Variants in PATL2 observed in about 807,000 individuals in gnomAD.
PATL2 encodes protein PAT1 homolog 2.
PATL2 carries 73 observed loss-of-function variants against 77.0 expected under a neutral mutation model. The ratio of observed to expected loss-of-function variants is 0.95; its 90% CI spans 0.78 to 1.15. The LOEUF (loss-of-function observed/expected upper bound fraction) is 1.15, where lower values mean the gene tolerates loss of function less well. Among genes scored for constraint, PATL2 ranks in the 50% most tolerant of loss-of-function variants. The pLI, the probability that PATL2 is intolerant of heterozygous loss-of-function variation, is 0.00. For missense variants in PATL2, 618 were observed against 655.4 expected, an observed-to-expected ratio of 0.94 and a Z score of 0.62; for synonymous variants, 265 against 257.1, an observed-to-expected ratio of 1.03 and a Z score of -0.29.
intron 3 of PATL2, among the ~76,000 whole-genome samples, chr15:44,705,001 G>A (rs2086703258): frequency 6.6e-6 from 1 of 152,066 alleles, no homozygotes. Context: ...TTGACCTTGG[G>A]AGTTTGTTTA....
At chr15:44,669,683 T>C (rs893285796) in intron 11 of PATL2, 94 bp downstream of exon 11, 3 of 1,508,392 alleles carry the variant, frequency 2.0e-6, no homozygotes, top group Admixed American at 2.0e-5. Context: ...TCACACTTCT[T>C]CCTCCTTCTT....
intron 3 of PATL2, among the ~76,000 whole-genome samples, chr15:44,690,793 T>A (rs1014352481): frequency 6.6e-6 from 1 of 152,170 alleles, no homozygotes; most frequent in African/African-American, 2.4e-5. Context: ...TCACAACTGC[T>A]TGTTATCATA....
intron 3 of PATL2, among the ~76,000 whole-genome samples, chr15:44,682,651 G>T (rs2086159676): frequency 5.9e-5 from 9 of 152,062 alleles, no homozygotes; most frequent in Admixed American, 3.3e-4. Context: ...AAACAAACCA[G>T]AATATCTAAG....
chr15:44,667,703 G>A (rs1299239654), intron 15 of PATL2, among the ~76,000 whole-genome samples: 1 of 152,188 alleles, frequency 6.6e-6, no homozygotes, highest in East Asian at 1.9e-4. Context: ...AGCACTTTGG[G>A]AGGCCGAGGC....
chr15:44,708,898 C>G (rs1349250441), intron 3 of PATL2, among the ~76,000 whole-genome samples: 1 of 152,056 alleles, frequency 6.6e-6, no homozygotes, highest in Admixed American at 6.6e-5. Context: ...AAGTGTTTTC[C>G]TTTTTCTTTT....
chr15:44,670,195 G>T, intron 9 of PATL2, 108 bp from the exon 10 acceptor site: 1 of 1,422,514 alleles, frequency 7.0e-7, no homozygotes, highest in Non-Finnish European at 9.4e-7. Context: ...GTTTTTTTGT[G>T]TGTGTTATAA....
At chr15:44,710,724 C>T (rs1199662805) in intron 2 of PATL2, among the ~76,000 whole-genome samples, 147 bp downstream of exon 2, 3 of 152,128 alleles carry the variant, frequency 2.0e-5, no homozygotes, top group Non-Finnish European at 2.9e-5. Context: ...TATGTGCCAG[C>T]CCCTGTTCTA....
In PATL2 at chr15:44,709,018, C is replaced by T. The variant is rs148848582; in HGVS notation, c.-76+1078G>A. ...GGTTCAAGCAATTCTCCTGCCTCAG[C>T]CTCCTGAGTAGTTGGGGTTACAGAT... On this transcript the variant is annotated intron_variant, in intron 3 of 17. Transcript: ENST00000682850. 4.7e-3 allele frequency among the ~76,000 whole-genome samples: 719 copies of T among 152,276 alleles called. 7 individuals carry two copies. The highest frequency in any genetic ancestry group is 0.017 in the African/African-American group (697 of 41,548).
At chr15:44,670,675 G>A (rs2085628689) in intron 9 of PATL2, among the ~76,000 whole-genome samples, 1 of 152,218 alleles carries the variant, frequency 6.6e-6, no homozygotes, top group Non-Finnish European at 1.5e-5. Flanking sequence ...TGAAAGGTCA[G>A]AGAGCAAAGT....
In PATL2 at chr15:44,675,672, G is replaced by A; in HGVS notation, c.36C>T (p.Gly12=). 1 of 1,550,582 alleles carries A rather than the reference G, an allele frequency of 6.4e-7. No homozygotes were observed. Among genetic ancestry groups the A allele is most frequent in the Non-Finnish European group, 8.7e-7 (1 of 1,146,340 alleles). The part of the protein sequence containing the change: ...NCLEGPGKTC[G]PLASEEELVS... ...CCAGCTCCTCCTCAGAAGCCAAGGGGCCACAGGTCTTACCTGGCCCTTGGT... is the reference window on the plus strand; with the variant it reads ...CCAGCTCCTCCTCAGAAGCCAAGGGACCACAGGTCTTACCTGGCCCTTGGT... The change falls in exon 5 of 18, where the codon GGC becomes GGT. Residue 12 remains glycine (G), a synonymous_variant. Coordinates refer to ENST00000682850, the MANE Select transcript of PATL2 (RefSeq NM_001387263.1).
chr15:44,674,235 A>T lies in PATL2; in HGVS notation c.223-5T>A. 6.5e-7 allele frequency: 1 copy of T among 1,539,916 alleles called. No individual in the cohort carries two copies. Among genetic ancestry groups the T allele is most frequent in the Non-Finnish European group, 8.8e-7 (1 of 1,137,756 alleles). On this transcript the variant is annotated splice_region_variant and splice_polypyrimidine_tract_variant and intron_variant, in intron 5 of 17. Transcript: ENST00000682850. ...AGGGGAGCTAAGCAGAGCTCTCTGGAACAGGAGGGAGGAAAAACCAGGCTC... is the reference window on the plus strand; with the variant it reads ...AGGGGAGCTAAGCAGAGCTCTCTGGTACAGGAGGGAGGAAAAACCAGGCTC...
chr15:44,683,923 G>A (rs1021359567), intron 3 of PATL2, among the ~76,000 whole-genome samples: 1 of 152,166 alleles, frequency 6.6e-6, no homozygotes, highest in Admixed American at 6.5e-5. Flanking sequence ...TTGCCGTTCT[G>A]CAGTCTCCGC....
In PATL2 at chr15:44,700,041, A is replaced by G. The variant is rs1302722018; in HGVS notation, c.-76+10055T>C. Among the ~76,000 whole-genome samples, 8 of 152,136 alleles carry G rather than the reference A, an allele frequency of 5.3e-5. No homozygotes were observed. In the South Asian group the frequency reaches 8.3e-4, roughly 16 times the overall value. ...TTTTTCCATTTCTGTGAAGAATGTA[A>G]TTGGTATTTTGATAGGGTTTACATT... On this transcript the variant is annotated intron_variant, in intron 3 of 17. Transcript: ENST00000682850.
At chr15:44,693,579 T>C (rs1291875244) in intron 3 of PATL2, among the ~76,000 whole-genome samples, 2 of 152,230 alleles carry the variant, frequency 1.3e-5, no homozygotes, top group African/African-American at 2.4e-5. Flanking sequence ...TTAACTTTAA[T>C]TACATCTGCA....
rs1254119290 is a variant in PATL2 at position 44,672,426 on chromosome 15, T to C, written c.477A>G (p.Gln159=). The change falls in exon 8 of 18, where the codon CAA becomes CAG. Residue 159 remains glutamine (Q), a synonymous_variant. Coordinates refer to ENST00000682850, the MANE Select transcript of PATL2 (RefSeq NM_001387263.1). ...TATGCTGCTGCTGCTGCAAGATTCG[T>C]TGGTGCCGAGGGTGGAGCTGGGTCA... ...SHLTQLHPRH[Q]RILQQQQHSQ... 24 of 1,551,668 alleles carry C rather than the reference T, an allele frequency of 1.5e-5. No individual in the cohort carries two copies. The highest frequency in any genetic ancestry group is 2.4e-5 in the East Asian group (1 of 40,914).
chr15:44,676,999 T>C lies in PATL2; in HGVS notation c.-75-434A>G, dbSNP rs116205313. ...TTAAAGGGCTAGCATCCTCCATCCA[T>C]TGGGGCCTGATGGAAATATGAGAAC... On this transcript the variant is annotated intron_variant, in intron 3 of 17. Coordinates refer to ENST00000682850, the MANE Select transcript of PATL2 (RefSeq NM_001387263.1). 2,129 of 747,838 alleles carry C rather than the reference T, an allele frequency of 2.8e-3. 32 individuals are homozygous for C. The African/African-American group carries it at 0.035, about 12-fold the overall frequency. 46.3% of individuals were successfully genotyped at this position (747,838 alleles called of 1,614,324 possible).
intron 3 of PATL2, among the ~76,000 whole-genome samples, chr15:44,677,712 C>G (rs1424410829): frequency 3.3e-5 from 5 of 152,114 alleles, no homozygotes; most frequent in Non-Finnish European, 7.4e-5. Context: ...AGTTAGGACC[C>G]TCTTGTCATG....
intron 5 of PATL2, 178 bp downstream of exon 5, chr15:44,675,308 A>G (rs561976467): frequency 2.5e-5 from 17 of 682,240 alleles, no homozygotes; most frequent in Non-Finnish European, 3.9e-5. Context: ...ATGAAGTGGG[A>G]GACAGGAGAA....
chr15:44,676,975 T>A, intron 3 of PATL2: 1 of 948,906 alleles, frequency 1.1e-6, no homozygotes, highest in Non-Finnish European at 1.3e-6. Flanking sequence ...GCTCACCCAT[T>A]AAAGGGCTAG....
Sources: gnomAD v4.1 joint callset for allele counts (sites outside exome capture counted in the v4.1 genomes callset) on GRCh38, gnomAD v4.1.1 for gene constraint, MANE v1.5 for transcripts, NCBI Gene and HGNC (gene_info 2026-07-23, HGNC 2026-07-21) for gene names.